NLRP14: variants seen among roughly 807,000 people sequenced by gnomAD.
NLRP14 encodes the protein NLR family pyrin domain containing 14.
NLRP14 carries 105 observed loss-of-function variants against 94.7 expected under a neutral mutation model. That is an observed-to-expected ratio of 1.11 (90% confidence interval 0.95 to 1.30). The LOEUF (loss-of-function observed/expected upper bound fraction) is 1.30. Ranked by LOEUF, NLRP14 falls within the 50% of genes most tolerant of loss-of-function variation. The pLI is 0.00. For synonymous variants in NLRP14, 508 were observed against 459.9 expected (o/e 1.10, Z -1.34); for missense variants, 1,362 against 1,254.1 (o/e 1.09, Z -1.30).
chr11:7,050,485 A>G (rs1005010848), intron 6 of NLRP14, among the ~76,000 whole-genome samples: 2 of 152,230 alleles, frequency 1.3e-5, no homozygotes, highest in Non-Finnish European at 2.9e-5. Flanking sequence ...ATGAAAGTCA[A>G]TGAAATAGGT....
intron 5 of NLRP14, 139 bp from the exon 6 acceptor site, chr11:7,049,532 T>C: frequency 1.4e-6 from 1 of 698,682 alleles, no homozygotes; most frequent in Non-Finnish European, 2.4e-6. Flanking sequence ...AAATTGAAGT[T>C]ATAACCCAAT....
chr11:7,063,167 A>T (rs1195471500), intron 10 of NLRP14, among the ~76,000 whole-genome samples: 1 of 152,138 alleles, frequency 6.6e-6, no homozygotes, highest in Non-Finnish European at 1.5e-5. Flanking sequence ...AGCAATGATG[A>T]TGATGTAACT....
In NLRP14 at chr11:7,043,809, A is replaced by G; in HGVS notation, c.1783A>G (p.Ile595Val). 6.2e-7 allele frequency: 1 copy of G among 1,614,248 alleles called. No homozygotes were observed. The highest frequency in any genetic ancestry group is 8.5e-7 in the Non-Finnish European group (1 of 1,180,032). Reference protein sequence around the residue: ...CLYETQDKAFISQAMRCFPKV... With the variant: ...CLYETQDKAFVSQAMRCFPKV... The stretch of plus-strand genomic sequence containing the variant: ...GTATGAGACTCAAGATAAAGCGTTT[A>G]TAAGCCAGGCAATGAGATGTTTCCC... The change falls in exon 4 of 12, where the codon ATA becomes GTA. Residue 595 changes from isoleucine (I) to valine (V), a missense_variant. By Grantham distance (29) the Ile-to-Val change is conservative. Transcript: ENST00000299481.
the NLRP14 span, among the ~76,000 whole-genome samples, chr11:7,083,451 T>C: frequency 6.6e-6 from 1 of 152,220 alleles, no homozygotes; most frequent in African/African-American, 2.4e-5. Flanking sequence ...CTTTGACAGT[T>C]CTCTGAATAT....
At chr11:7,077,689 A>G in the NLRP14 span, among the ~76,000 whole-genome samples, 1 of 152,242 alleles carries the variant, frequency 6.6e-6, no homozygotes, top group Admixed American at 6.5e-5. Context: ...TCACGTGGCT[A>G]TAGAAAAGAA....
chr11:7,055,213 C>T (rs192764077), intron 6 of NLRP14, among the ~76,000 whole-genome samples: 2 of 152,158 alleles, frequency 1.3e-5, no homozygotes, highest in East Asian at 1.9e-4. Flanking sequence ...TGATGATTCA[C>T]CTTGGTTTAG....
In NLRP14 at chr11:7,038,836, C is replaced by G. The variant is rs767055770; in HGVS notation, c.250C>G (p.Leu84Val). 6.2e-7 allele frequency: 1 copy of G among 1,613,108 alleles called. No individual in the cohort carries two copies. Among genetic ancestry groups the G allele is most frequent in the African/African-American group, 1.3e-5 (1 of 74,872 alleles). The change falls in exon 2 of 12, where the codon CTG becomes GTG. Residue 84 changes from leucine (L) to valine (V), a missense_variant. Coordinates refer to ENST00000299481, the MANE Select transcript of NLRP14 (RefSeq NM_176822.4). ...TCTCAAAATCTTTGGCAAGATGAAC[C>G]TGAAGGATCTGTGTGAGAGAGCGAA... ...VSLKIFGKMN[L>V]KDLCERAKEE... is the part of the protein sequence containing the mutation.
In NLRP14 at chr11:7,043,268, C is replaced by A. The variant is rs753211907; in HGVS notation, c.1242C>A (p.Gly414=). The stretch of plus-strand genomic sequence containing the variant: ...GCTTGTTCACACCAGTAGATGGAGG[C>A]TCTCCTAGTCTACCCAACCAAGCCC... ...ISSLFTPVDG[G]SPSLPNQAQL... Residue 414 remains glycine (G), a synonymous_variant, in exon 4 of 12, where the codon GGC becomes GGA. Coordinates refer to ENST00000299481, the MANE Select transcript of NLRP14 (RefSeq NM_176822.4). The A allele has an allele frequency of 1.9e-6, 3 of 1,614,178 alleles. No homozygotes were observed. Among genetic ancestry groups the A allele is most frequent in the South Asian group, 1.1e-5 (1 of 91,076 alleles).
chr11:7,087,703 T>G, the NLRP14 span, among the ~76,000 whole-genome samples: 1,013 of 152,318 alleles, frequency 6.7e-3, 4 homozygotes, highest in Non-Finnish European at 0.011. Flanking sequence ...AAGGCATAAC[T>G]TCTTCCATAG....
chr11:7,078,978 G>C, the NLRP14 span, among the ~76,000 whole-genome samples: 1 of 152,118 alleles, frequency 6.6e-6, no homozygotes, highest in Non-Finnish European at 1.5e-5. Context: ...CAGGCACTTC[G>C]TTCTGCTGCA....
Position 7,043,921 on chromosome 11 carries a change from G to T in NLRP14, c.1895G>T (p.Arg632Met), listed in dbSNP as rs1022377364. 5 of 1,614,010 alleles carry T rather than the reference G, an allele frequency of 3.1e-6. No individual in the cohort carries two copies. The African/African-American group carries it at 4.0e-5, about 13-fold the overall frequency. Reference sequence around the variant, plus strand: ...CACTGCCGGTGTTTGCGGACCATCAGGCTGTCTGTAACTGTGGTATTTGAG... The same window carrying T: ...CACTGCCGGTGTTTGCGGACCATCATGCTGTCTGTAACTGTGGTATTTGAG... ...LKHCRCLRTI[R>M]LSVTVVFEKK... Residue 632 changes from arginine to methionine, a missense_variant, in exon 4 of 12, where the codon AGG becomes ATG. Coordinates refer to ENST00000299481, the MANE Select transcript of NLRP14 (RefSeq NM_176822.4).
chr11:7,082,059 C>T, the NLRP14 span, among the ~76,000 whole-genome samples: 1 of 152,106 alleles, frequency 6.6e-6, no homozygotes, highest in South Asian at 2.1e-4. Flanking sequence ...AAAAGACAGT[C>T]CTACCACTCA....
chr11:7,074,153 C>A (rs558306517), downstream of NLRP14, among the ~76,000 whole-genome samples: 90 of 152,360 alleles, frequency 5.9e-4, no homozygotes, highest in Non-Finnish European at 1.1e-3. Context: ...GGAAATCACA[C>A]TCGTATAATA....
intron 1 of NLRP14, among the ~76,000 whole-genome samples, chr11:7,037,586 G>A (rs1174668072): frequency 6.6e-6 from 1 of 152,140 alleles, no homozygotes; most frequent in Non-Finnish European, 1.5e-5. Context: ...GGGAGAGTAT[G>A]GATTAAGTGA....
rs1363181533 is a variant in NLRP14, at chr11:7,043,462, C to T, written c.1436C>T (p.Thr479Ile). The T allele has an allele frequency of 6.2e-7, 1 of 1,614,038 alleles. No homozygotes were observed. Among genetic ancestry groups the T allele is most frequent in the Non-Finnish European group, 8.5e-7 (1 of 1,180,020 alleles). The change falls in exon 4 of 12, where the codon ACC (threonine) becomes ATC (isoleucine). Residue 479 changes from threonine to isoleucine, a missense_variant. Transcript: ENST00000299481. ...GAGTATGAAAACTGCTATGTGTTCA[C>T]CCACCTTCATGTTCAGGAGTTTTTT... ...DAEYENCYVF[T>I]HLHVQEFFAA...
Position 7,049,651 on chromosome 11 carries a change from T to G in NLRP14, c.2124-20T>G. ...AGAGAAATGGTTTTGTAATACCTCC[T>G]GCATATTTTTCTTCTGAAGGTTGAA... On this transcript the variant is annotated intron_variant, in intron 5 of 11. Transcript: ENST00000299481. 1 of 1,580,418 alleles carries G rather than the reference T, an allele frequency of 6.3e-7. No individual in the cohort carries two copies. The highest frequency in any genetic ancestry group is 8.7e-7 in the Non-Finnish European group (1 of 1,149,248).
intron 9 of NLRP14, among the ~76,000 whole-genome samples, chr11:7,060,715 T>C (rs115949905): frequency 0.011 from 1,747 of 152,186 alleles, 29 homozygotes; most frequent in African/African-American, 0.04. Context: ...ATTAATATTA[T>C]GTTTTCTCAC....
At chr11:7,089,161 G>A in the NLRP14 span, 3 of 1,614,030 alleles carry the variant, frequency 1.9e-6, no homozygotes, top group South Asian at 1.1e-5. Context: ...TTCATTGGGG[G>A]CCTCAACCTC....
chr11:7,078,462 A>AAAAAAAAAAAAAAAAAG, the NLRP14 span, among the ~76,000 whole-genome samples: 32 of 88,528 alleles, frequency 3.6e-4, 9 homozygotes, highest in East Asian at 2.1e-3. Context: ...AAAAAAAAAA[A>AAAAAAAAAAAAAAAAAG]CAAAAAAATT....
Sources: gnomAD v4.1 joint callset for allele counts (sites outside exome capture counted in the v4.1 genomes callset) on GRCh38, gnomAD v4.1.1 for gene constraint, MANE v1.5 for transcripts, NCBI Gene and HGNC (gene_info 2026-07-23, HGNC 2026-07-21) for gene names.